SGCZ: variants seen among roughly 807,000 people sequenced by gnomAD.
SGCZ encodes sarcoglycan zeta.
SGCZ carries 40 observed loss-of-function variants against 41.3 expected under a neutral mutation model. The ratio of observed to expected loss-of-function variants is 0.97; its 90% CI spans 0.75 to 1.26. The LOEUF (loss-of-function observed/expected upper bound fraction) is 1.26, where lower values mean the gene tolerates loss of function less well. SGCZ is among the 50% of genes most tolerant of loss of function. The pLI is 0.00. For synonymous variants in SGCZ, 206 were observed against 137.5 expected (o/e 1.50, Z -3.49); for missense variants, 552 against 369.8 (o/e 1.49, Z -4.04).
At chr8:15,006,578 G>C (rs1802611823) in intron 1 of SGCZ, among the ~76,000 whole-genome samples, 1 of 152,128 alleles carries the variant, frequency 6.6e-6, no homozygotes, top group Non-Finnish European at 1.5e-5. Context: ...ACCAGTCTCT[G>C]CTGCTCAAAA....
At chr8:14,402,327 C>T (rs928214802) in intron 2 of SGCZ, among the ~76,000 whole-genome samples, 6 of 151,540 alleles carry the variant, frequency 4.0e-5, no homozygotes, top group Admixed American at 3.9e-4. Flanking sequence ...CTTTTGTTGC[C>T]ATTGCTTTTG....
chr8:15,221,896 ACT>A (rs1414120919), intron 1 of SGCZ, among the ~76,000 whole-genome samples: 1 of 152,126 alleles, frequency 6.6e-6, no homozygotes, highest in Non-Finnish European at 1.5e-5. Flanking sequence ...CATGTGGAAC[ACT>A]CTGCAGGAAT....
chr8:14,116,768 A>T (rs1423886798), intron 5 of SGCZ, among the ~76,000 whole-genome samples: 4 of 152,106 alleles, frequency 2.6e-5, no homozygotes, highest in African/African-American at 9.7e-5. Context: ...TTTTTTAACC[A>T]TAAGAGGACT....
At chr8:14,510,381 G>C (rs1802433887) in intron 2 of SGCZ, among the ~76,000 whole-genome samples, 1 of 151,720 alleles carries the variant, frequency 6.6e-6, no homozygotes, top group Non-Finnish European at 1.5e-5. Flanking sequence ...TTATTGTTTT[G>C]TAATGTATAA....
rs12056404 is a variant in SGCZ, at chr8:14,979,191, T to C, written c.39+258394A>G. The stretch of plus-strand genomic sequence containing the variant: ...ATACACTAAAAGGCATTAACTTGAA[T>C]ATCATCAAGCATATCATCTCAGGTA... On this transcript the variant is annotated intron_variant, in intron 1 of 7. Coordinates refer to ENST00000382080, the MANE Select transcript of SGCZ (RefSeq NM_139167.4). 0.013 allele frequency among the ~76,000 whole-genome samples: 2,038 copies of C among 152,316 alleles called. 132 individuals carry two copies. In the East Asian group the frequency reaches 0.21, roughly 15 times the overall value.
intron 2 of SGCZ, among the ~76,000 whole-genome samples, chr8:14,499,770 G>C (rs1741820974): frequency 6.7e-6 from 1 of 149,232 alleles, no homozygotes; most frequent in Non-Finnish European, 1.5e-5. Flanking sequence ...TTTGTATATA[G>C]ATATATATCA....
intron 1 of SGCZ, among the ~76,000 whole-genome samples, chr8:14,855,875 G>C (rs533721870): frequency 6.6e-6 from 1 of 152,214 alleles, no homozygotes; most frequent in South Asian, 2.1e-4. Flanking sequence ...GACTCACAAT[G>C]TTGGTGATTT....
chr8:14,803,562 C>A (rs1180968942), intron 1 of SGCZ, among the ~76,000 whole-genome samples: 1 of 152,096 alleles, frequency 6.6e-6, no homozygotes, highest in South Asian at 2.1e-4. Context: ...ATCCCGCACC[C>A]GGCTCAGAGG....
At chr8:14,620,597 AAAC>A (rs1216990316) in intron 1 of SGCZ, among the ~76,000 whole-genome samples, 12 of 151,648 alleles carry the variant, frequency 7.9e-5, no homozygotes, top group Non-Finnish European at 1.5e-5. Context: ...TTATGAGAAA[AAAC>A]AAACAACCCC....
At chr8:14,678,403 G>A (rs1237274726) in intron 1 of SGCZ, among the ~76,000 whole-genome samples, 2 of 152,118 alleles carry the variant, frequency 1.3e-5, no homozygotes, top group African/African-American at 4.8e-5. Flanking sequence ...CACCAAAGAA[G>A]ATGTACCAAT....
At chr8:14,241,032 T>C (rs1242007800) in intron 3 of SGCZ, among the ~76,000 whole-genome samples, 1 of 152,152 alleles carries the variant, frequency 6.6e-6, no homozygotes, top group African/African-American at 2.4e-5. Context: ...AAGAAAGACA[T>C]TTAAGAAATG....
chr8:14,133,596 A>G (rs1311772721), intron 5 of SGCZ, among the ~76,000 whole-genome samples: 2 of 152,174 alleles, frequency 1.3e-5, no homozygotes, highest in African/African-American at 2.4e-5. Context: ...AGAGCCAGGA[A>G]CAGGATTGGG....
chr8:14,908,628 T>C (rs988946274), intron 1 of SGCZ, among the ~76,000 whole-genome samples: 8 of 150,362 alleles, frequency 5.3e-5, no homozygotes, highest in African/African-American at 1.7e-4. Context: ...CAGGCACCTG[T>C]AATCCCAGCT....
chr8:14,782,816 A>G (rs2253245), intron 1 of SGCZ, among the ~76,000 whole-genome samples: 20,331 of 152,212 alleles, frequency 0.13, 1,440 homozygotes, highest in Middle Eastern at 0.17. Flanking sequence ...TCACAGACAC[A>G]GGCATATTGC....
chr8:14,155,390 A>T (rs1441339489), intron 5 of SGCZ, among the ~76,000 whole-genome samples: 1 of 152,110 alleles, frequency 6.6e-6, no homozygotes, highest in Non-Finnish European at 1.5e-5. Context: ...GTTGACTAAG[A>T]CTGTGACAGC....
intron 2 of SGCZ, among the ~76,000 whole-genome samples, chr8:14,368,360 A>C (rs888629872): frequency 3.9e-5 from 6 of 152,062 alleles, no homozygotes; most frequent in Non-Finnish European, 8.8e-5. Context: ...AAGAGAAAAA[A>C]ATGCAGCCAG....
At chr8:14,164,551 C>A in intron 5 of SGCZ, 29 bp downstream of exon 5, 1 of 1,611,666 alleles carries the variant, frequency 6.2e-7, no homozygotes, top group Non-Finnish European at 8.5e-7. Context: ...AAGAAGTAAA[C>A]AATTTTTCAA....
intron 1 of SGCZ, among the ~76,000 whole-genome samples, chr8:15,203,112 AAAAC>A (rs902981860): frequency 4.0e-5 from 6 of 151,500 alleles, no homozygotes; most frequent in African/African-American, 9.7e-5. Context: ...TCAGTCTCAA[AAAAC>A]AAACAAACAA....
intron 5 of SGCZ, among the ~76,000 whole-genome samples, chr8:14,131,238 G>A (rs1353208305): frequency 6.6e-6 from 1 of 152,100 alleles, no homozygotes; most frequent in African/African-American, 2.4e-5. Context: ...GAAATCCAGG[G>A]TGGCACCTTA....
Sources: allele counts gnomAD v4.1 joint callset (sites outside exome capture counted in the v4.1 genomes callset), GRCh38; gene constraint gnomAD v4.1.1; transcripts MANE v1.5; gene names NCBI Gene and HGNC (gene_info 2026-07-23, HGNC 2026-07-21).